The following ABTB3 variants were observed in gnomAD, a reference collection of about 807,000 sequenced individuals.
The protein encoded by ABTB3 is ankyrin repeat- and BTB/POZ domain-containing protein 3.
At chr12:107,442,793 G>A in the ABTB3 span, among the ~76,000 whole-genome samples, 1 of 152,188 alleles carries the variant, frequency 6.6e-6, no homozygotes. Context: ...TTCTTTCCCA[G>A]ACTTGGTGTG....
At chr12:107,360,304 A>C in the ABTB3 span, among the ~76,000 whole-genome samples, 1 of 152,180 alleles carries the variant, frequency 6.6e-6, no homozygotes, top group African/African-American at 2.4e-5. Flanking sequence ...GAGAAGAAAC[A>C]GCTCATCAGG....
the ABTB3 span, among the ~76,000 whole-genome samples, chr12:107,566,460 T>C: frequency 6.6e-6 from 1 of 152,210 alleles, no homozygotes; most frequent in Admixed American, 6.5e-5. Context: ...GAGTTAGTTA[T>C]AACAGAATTA....
chr12:107,572,514 C>A, the ABTB3 span, among the ~76,000 whole-genome samples: 31 of 152,266 alleles, frequency 2.0e-4, no homozygotes, highest in African/African-American at 7.2e-4. Context: ...GATCTGGAGA[C>A]TCCCTGAAGA....
At chr12:107,369,638 A>G in the ABTB3 span, among the ~76,000 whole-genome samples, 1 of 148,612 alleles carries the variant, frequency 6.7e-6, no homozygotes, top group Admixed American at 6.7e-5. Flanking sequence ...ACCTCAGACG[A>G]TCCACCCTCC....
the ABTB3 span, among the ~76,000 whole-genome samples, chr12:107,558,931 T>C: frequency 7.4e-6 from 1 of 135,794 alleles, no homozygotes; most frequent in Non-Finnish European, 1.7e-5. Context: ...GCCTGCGTCC[T>C]CTTGCCCACC....
chr12:107,403,683 C>T, the ABTB3 span, among the ~76,000 whole-genome samples: 1 of 152,138 alleles, frequency 6.6e-6, no homozygotes, highest in African/African-American at 2.4e-5. Flanking sequence ...GGAGCACAGA[C>T]CAAATGGTCA....
At chr12:107,618,068 G>C in the ABTB3 span, 2 of 1,240,996 alleles carry the variant, frequency 1.6e-6, no homozygotes, top group Non-Finnish European at 2.3e-6. Context: ...CAAGCTAGTG[G>C]TCCCCTGCTT....
At chr12:107,375,422 A>AATCATCATCATCATC in the ABTB3 span, among the ~76,000 whole-genome samples, 2 of 148,268 alleles carry the variant, frequency 1.3e-5, no homozygotes, top group South Asian at 2.2e-4. Flanking sequence ...TGGTGTCAGA[A>AATCATCATCATCATC]ATCATCATCA....
At chr12:107,426,474 G>A in the ABTB3 span, among the ~76,000 whole-genome samples, 4 of 152,084 alleles carry the variant, frequency 2.6e-5, no homozygotes. Flanking sequence ...ACGATCGAGG[G>A]TGCTGCTGGC....
the ABTB3 span, among the ~76,000 whole-genome samples, chr12:107,561,676 G>T: frequency 2.0e-4 from 30 of 152,256 alleles, no homozygotes; most frequent in African/African-American, 7.0e-4. Context: ...GCTCCAAGGA[G>T]GGAGTTAATA....
At chr12:107,396,194 C>A in the ABTB3 span, among the ~76,000 whole-genome samples, 1 of 152,190 alleles carries the variant, frequency 6.6e-6, no homozygotes, top group Non-Finnish European at 1.5e-5. Context: ...TTGTCCTCTG[C>A]GTGTTAATAA....
chr12:107,499,640 T>G, the ABTB3 span, among the ~76,000 whole-genome samples: 41 of 152,016 alleles, frequency 2.7e-4, no homozygotes, highest in Admixed American at 2.2e-3. Context: ...AAGGCCTTCT[T>G]CATATGGCGG....
At chr12:107,566,592 G>A in the ABTB3 span, among the ~76,000 whole-genome samples, 1 of 151,168 alleles carries the variant, frequency 6.6e-6, no homozygotes, top group Admixed American at 6.6e-5. Flanking sequence ...GAGTTTCTTA[G>A]CCGCCAAGGC....
the ABTB3 span, among the ~76,000 whole-genome samples, chr12:107,340,353 A>G: frequency 1.3e-5 from 2 of 152,168 alleles, no homozygotes; most frequent in African/African-American, 4.8e-5. Flanking sequence ...TCATTCTCTG[A>G]CTGAGGCATC....
the ABTB3 span, chr12:107,650,365 T>C: frequency 1.3e-5 from 2 of 152,216 alleles, no homozygotes; most frequent in Non-Finnish European, 2.9e-5. Flanking sequence ...GCAGGCCCAC[T>C]TATCCTTTCT....
chr12:107,528,832 A>G, the ABTB3 span, among the ~76,000 whole-genome samples: 2 of 150,678 alleles, frequency 1.3e-5, no homozygotes, highest in African/African-American at 2.5e-5. Flanking sequence ...GGTCATGGTG[A>G]TGATGATGGT....
At chr12:107,478,158 T>C in the ABTB3 span, among the ~76,000 whole-genome samples, 2 of 152,334 alleles carry the variant, frequency 1.3e-5, no homozygotes, top group East Asian at 3.9e-4. Context: ...GATGCCCAGA[T>C]CTGCCACTCC....
the ABTB3 span, among the ~76,000 whole-genome samples, chr12:107,493,081 AG>A: frequency 2.1e-4 from 29 of 137,816 alleles, no homozygotes; most frequent in East Asian, 1.2e-3. Context: ...CACAGAGAAA[AG>A]AAAAAAAAAA....
At chr12:107,527,517 C>T in the ABTB3 span, among the ~76,000 whole-genome samples, 11 of 152,066 alleles carry the variant, frequency 7.2e-5, no homozygotes, top group Non-Finnish European at 1.5e-4. Context: ...AGCATTCTGC[C>T]CACCTTGGCC....
Sources: gnomAD v4.1 joint callset for allele counts (sites outside exome capture counted in the v4.1 genomes callset) on GRCh38, gnomAD v4.1.1 for gene constraint, MANE v1.5 for transcripts, NCBI Gene and HGNC (gene_info 2026-07-23, HGNC 2026-07-21) for gene names.